The following CASTOR2 variants were observed in gnomAD, a reference collection of about 807,000 sequenced individuals.
CASTOR2 encodes cytosolic arginine sensor for mTORC1 subunit 2, also known as GATS protein like 2.
Under a neutral mutation model 31.2 loss-of-function variants are expected in CASTOR2, and 8 were observed. The ratio of observed to expected loss-of-function variants is 0.26; its 90% CI spans 0.15 to 0.46. The LOEUF is 0.46. Ranked by LOEUF, CASTOR2 falls within the 20% of genes least tolerant of loss-of-function variation. The pLI is 0.99. For synonymous variants in CASTOR2, 162 were observed against 158.7 expected, an observed-to-expected ratio of 1.02 and a Z score of -0.16; for missense variants, 216 against 382.1, an observed-to-expected ratio of 0.57 and a Z score of 3.62.
In CASTOR2 at chr7:74,982,119, TG is replaced by T. The variant is rs1171482611; in HGVS notation, c.113+17025del. Among the ~76,000 whole-genome samples the T allele has an allele frequency of 3.6e-3, 519 of 144,254 alleles. 11 individuals carry two copies. In the East Asian group the frequency reaches 0.04, roughly 11 times the overall value. 94.6% of individuals were successfully genotyped at this position (144,254 alleles called of 152,430 possible). On this transcript the variant is annotated intron_variant, in intron 1 of 8. Coordinates refer to ENST00000616305, the MANE Select transcript of CASTOR2 (RefSeq NM_001145064.3). ...AGCGTACCCCACCACACTTCTTCTTTGGGGTTAGAATTTTGGGCCTGCACTG... is the reference window on the plus strand; with the variant it reads ...AGCGTACCCCACCACACTTCTTCTTTGGGTTAGAATTTTGGGCCTGCACTG...
intron 1 of CASTOR2, among the ~76,000 whole-genome samples, chr7:74,986,160 C>T (rs1293863134): frequency 6.6e-6 from 1 of 150,710 alleles, no homozygotes; most frequent in Non-Finnish European, 1.5e-5. Flanking sequence ...GAACTCCTGA[C>T]CTCAAGTGAT....
At chr7:74,993,269 G>T (rs1289528231) in intron 1 of CASTOR2, among the ~76,000 whole-genome samples, 1 of 152,038 alleles carries the variant, frequency 6.6e-6, no homozygotes, top group Non-Finnish European at 1.5e-5. Context: ...GGAATTAATT[G>T]CTCCAGAAAG....
At chr7:74,991,222 GC>G (rs1312720016) in intron 1 of CASTOR2, among the ~76,000 whole-genome samples, 1 of 152,194 alleles carries the variant, frequency 6.6e-6, no homozygotes, top group Non-Finnish European at 1.5e-5. Flanking sequence ...AGACGCAGTG[GC>G]CTTTATCACA....
At chr7:75,017,337 C>T (rs1191894649) in intron 2 of CASTOR2, among the ~76,000 whole-genome samples, 2 of 152,022 alleles carry the variant, frequency 1.3e-5, no homozygotes, top group Non-Finnish European at 2.9e-5. Flanking sequence ...ATCCCAGCTA[C>T]TCGGGAGGCT....
chr7:75,002,871 T>C (rs1392981386), intron 1 of CASTOR2, among the ~76,000 whole-genome samples: 3 of 151,918 alleles, frequency 2.0e-5, no homozygotes, highest in African/African-American at 7.3e-5. Context: ...GAGGATCACT[T>C]GAGGCCAGGA....
chr7:75,012,215 G>T (rs1322989900), intron 2 of CASTOR2, among the ~76,000 whole-genome samples: 1 of 152,138 alleles, frequency 6.6e-6, no homozygotes, highest in East Asian at 1.9e-4. Context: ...CAGGATTTGG[G>T]GTGGGCCTAG....
chr7:74,995,737 G>A (rs2131935316), intron 1 of CASTOR2, among the ~76,000 whole-genome samples: 1 of 151,892 alleles, frequency 6.6e-6, no homozygotes, highest in Non-Finnish European at 1.5e-5. Flanking sequence ...GAACCTGGGA[G>A]GCAGAGCTTG....
intron 7 of CASTOR2, among the ~76,000 whole-genome samples, chr7:75,023,252 A>G (rs1478873637): frequency 3.3e-5 from 5 of 151,856 alleles, no homozygotes; most frequent in South Asian, 2.1e-4. Flanking sequence ...AGCTTGCAGC[A>G]AGCCGAGATG....
intron 1 of CASTOR2, among the ~76,000 whole-genome samples, chr7:74,994,703 TTG>T (rs1400298444): frequency 1.3e-5 from 2 of 151,562 alleles, no homozygotes; most frequent in Non-Finnish European, 2.9e-5. Context: ...TGAGCCGAGA[TTG>T]TGTCGCTGCA....
chr7:74,988,424 G>C (rs1383567888), intron 1 of CASTOR2, among the ~76,000 whole-genome samples: 3 of 151,774 alleles, frequency 2.0e-5, no homozygotes, highest in Non-Finnish European at 2.9e-5. Flanking sequence ...CAGCCTCCCG[G>C]GTAGCTGGGA....
At position 75,025,480 on chromosome 7, in the gene CASTOR2, T is replaced by C. The variant is rs1805102204; in HGVS notation, c.*781T>C. Among the ~76,000 whole-genome samples, 1 of 152,238 alleles carries C rather than the reference T, an allele frequency of 6.6e-6. No homozygotes were observed. The highest frequency in any genetic ancestry group is 1.5e-5 in the Non-Finnish European group (1 of 68,034). ...CCCCTCGGCTCTCCCTGGACCCGACTTGGGCAGGTAGAGCCTCAGCTTCCC... is the reference window on the plus strand; with the variant it reads ...CCCCTCGGCTCTCCCTGGACCCGACCTGGGCAGGTAGAGCCTCAGCTTCCC... On this transcript the variant is annotated 3_prime_UTR_variant, in exon 9 of 9. Transcript: ENST00000616305.
At chr7:74,986,480 ACT>A (rs1207338331) in intron 1 of CASTOR2, among the ~76,000 whole-genome samples, 1 of 146,416 alleles carries the variant, frequency 6.8e-6, no homozygotes, top group Non-Finnish European at 1.5e-5. Context: ...ACAGAGGGAG[ACT>A]CTGTCTCAAA....
chr7:75,010,347 T>G (rs1428812709), intron 2 of CASTOR2, among the ~76,000 whole-genome samples: 1 of 151,814 alleles, frequency 6.6e-6, no homozygotes, highest in African/African-American at 2.4e-5. Context: ...CAGGGTAAGT[T>G]TGGATCTTAT....
rs1216862610 is a variant in CASTOR2, at chr7:75,025,382, C to T, written c.*683C>T. Among the ~76,000 whole-genome samples, 1 of 152,222 alleles carries T rather than the reference C, an allele frequency of 6.6e-6. No homozygotes were observed. The highest frequency in any genetic ancestry group is 1.5e-5 in the Non-Finnish European group (1 of 68,016). On this transcript the variant is annotated 3_prime_UTR_variant, in exon 9 of 9. Transcript: ENST00000616305. ...AAGAGGGCCCTGTCCAGACCCTCCC[C>T]CACAAGCACTCAGTCCTTGGGGGAG...
In CASTOR2 at chr7:75,025,364, C is replaced by T. The variant is rs947817531; in HGVS notation, c.*665C>T. ...ACTCCCAGCAAGACTGCCAAGAGGG[C>T]CCTGTCCAGACCCTCCCCCACAAGC... is the stretch of plus-strand genomic sequence containing the variant. On this transcript the variant is annotated 3_prime_UTR_variant, in exon 9 of 9. Transcript: ENST00000616305. Among the ~76,000 whole-genome samples the T allele has an allele frequency of 1.3e-4, 20 of 152,278 alleles. No homozygotes were observed. Among genetic ancestry groups the T allele is most frequent in the African/African-American group, 4.8e-4 (20 of 41,578 alleles).
At chr7:75,001,218 A>G (rs1441687551) in intron 1 of CASTOR2, among the ~76,000 whole-genome samples, 3 of 152,080 alleles carry the variant, frequency 2.0e-5, no homozygotes, top group Admixed American at 6.5e-5. Flanking sequence ...CTGAGACTAC[A>G]GGGGCACACC....
In CASTOR2 at chr7:74,999,059, G is replaced by A. The variant is rs1234753113; in HGVS notation, c.114-8935G>A. ...TGCCCAGGCTGGGGTGCAGTGGCGC[G>A]ATCTCAGCTCACTGCAAGCTCCACC... On this transcript the variant is annotated intron_variant, in intron 1 of 8. Transcript: ENST00000616305. 2.5e-4 allele frequency among the ~76,000 whole-genome samples: 38 copies of A among 151,880 alleles called. No homozygotes were observed. The East Asian group carries it at 5.8e-3, about 23-fold the overall frequency.
At chr7:74,967,497 A>G (rs1803591606) in intron 1 of CASTOR2, among the ~76,000 whole-genome samples, 1 of 146,292 alleles carries the variant, frequency 6.8e-6, no homozygotes, top group African/African-American at 2.5e-5. Context: ...AGCCCAGACT[A>G]GCACAGCATG....
At chr7:74,979,497 T>G (rs1487303148) in intron 1 of CASTOR2, among the ~76,000 whole-genome samples, 2 of 89,564 alleles carry the variant, frequency 2.2e-5, no homozygotes, top group East Asian at 7.0e-4. Context: ...GTTCAAGTGA[T>G]CCTCCTGCCT....
Sources: gnomAD v4.1 joint callset for allele counts (sites outside exome capture counted in the v4.1 genomes callset) on GRCh38, gnomAD v4.1.1 for gene constraint, MANE v1.5 for transcripts, NCBI Gene and HGNC (gene_info 2026-07-23, HGNC 2026-07-21) for gene names.